The following FAM171B variants were observed in gnomAD, a reference collection of about 807,000 sequenced individuals.
FAM171B encodes the protein protein FAM171B.
In FAM171B, 19 loss-of-function variants were observed where a neutral mutation model predicts 75.6. The observed-to-expected ratio is 0.25, with a 90% CI of 0.18 to 0.37. The LOEUF (loss-of-function observed/expected upper bound fraction) is 0.37. Ranked by LOEUF, FAM171B falls within the 10% of genes least tolerant of loss-of-function variation. The probability of loss-of-function intolerance (pLI) is 1.00; values close to 1 mark genes in which losing one functional copy is unlikely to be tolerated. For missense variants in FAM171B, 848 were observed against 982.4 expected (o/e 0.86, Z 1.83); for synonymous variants, 367 against 361.7 (o/e 1.01, Z -0.17).
chr2:186,698,240 CAG>C (rs1363583517), intron 1 of FAM171B, among the ~76,000 whole-genome samples: 1 of 152,140 alleles, frequency 6.6e-6, no homozygotes, highest in African/African-American at 2.4e-5. Context: ...AGCAGAGACA[CAG>C]GGGATCTCCA....
At chr2:186,755,113 C>T (rs914647903) in intron 6 of FAM171B, among the ~76,000 whole-genome samples, 2 of 152,082 alleles carry the variant, frequency 1.3e-5, no homozygotes, top group Non-Finnish European at 2.9e-5. Flanking sequence ...TGTGTACATT[C>T]CTCAAAATAT....
At chr2:186,717,083 T>C (rs1458924556) in intron 1 of FAM171B, among the ~76,000 whole-genome samples, 2 of 152,148 alleles carry the variant, frequency 1.3e-5, no homozygotes, top group Non-Finnish European at 2.9e-5. Context: ...ACCCTGTCTG[T>C]TTGGCTCTTA....
intron 6 of FAM171B, among the ~76,000 whole-genome samples, chr2:186,754,862 A>G (rs1447493366): frequency 2.0e-5 from 3 of 152,110 alleles, no homozygotes; most frequent in Admixed American, 6.6e-5. Flanking sequence ...ATGAGCTATC[A>G]ATGTATTTTA....
rs144403657 is a variant in FAM171B at position 186,694,302 on chromosome 2, ACAG to A, written c.147_149del (p.Gln56del). On this transcript the variant is annotated inframe_deletion, in exon 1 of 8. Transcript: ENST00000304698. Reference sequence around the variant, plus strand: ...GCCGCTCCGACCTCAGCCTCATCCAACAGCAGCAGCAGCAGCAGCAACAACAAC... The same window carrying A: ...GCCGCTCCGACCTCAGCCTCATCCAACAGCAGCAGCAGCAGCAACAACAAC... 4.5e-6 allele frequency: 7 copies of A among 1,566,234 alleles called. No homozygotes were observed. Among genetic ancestry groups the A allele is most frequent in the Admixed American group, 1.8e-5 (1 of 56,688 alleles).
chr2:186,753,071 G>A (rs889266798), intron 5 of FAM171B, among the ~76,000 whole-genome samples: 1 of 152,118 alleles, frequency 6.6e-6, no homozygotes, highest in Non-Finnish European at 1.5e-5. Flanking sequence ...TCAGATAAGA[G>A]CTATCTTAAT....
At chr2:186,712,936 G>A (rs1023496869) in intron 1 of FAM171B, among the ~76,000 whole-genome samples, 2 of 152,176 alleles carry the variant, frequency 1.3e-5, no homozygotes, top group African/African-American at 4.8e-5. Flanking sequence ...TTGCAAACAA[G>A]TACATTTAAT....
chr2:186,747,939 T>G (rs144950378), intron 4 of FAM171B, among the ~76,000 whole-genome samples: 10 of 152,294 alleles, frequency 6.6e-5, no homozygotes, highest in African/African-American at 4.8e-5. Context: ...TTTTTTTCTT[T>G]TGAGACAGGG....
intron 2 of FAM171B, among the ~76,000 whole-genome samples, chr2:186,740,864 G>C (rs752665888): frequency 6.6e-6 from 1 of 152,180 alleles, no homozygotes; most frequent in Admixed American, 6.5e-5. Flanking sequence ...CAAGGGTCTT[G>C]TGTCCCAACA....
chr2:186,759,766 T>C (rs374838322), intron 6 of FAM171B, among the ~76,000 whole-genome samples: 1 of 152,086 alleles, frequency 6.6e-6, no homozygotes, highest in East Asian at 1.9e-4. Flanking sequence ...CTCTTCCCTT[T>C]GTTGATTGTT....
intron 1 of FAM171B, among the ~76,000 whole-genome samples, chr2:186,714,136 A>T (rs1388884660): frequency 7.3e-5 from 11 of 150,000 alleles, no homozygotes; most frequent in African/African-American, 1.5e-4. Context: ...TTTTTTTTTA[A>T]TACTTACCTC....
chr2:186,738,338 A>G (rs1186298751), intron 1 of FAM171B, among the ~76,000 whole-genome samples: 2 of 151,914 alleles, frequency 1.3e-5, no homozygotes, highest in Non-Finnish European at 2.9e-5. Context: ...GAGAATATGT[A>G]GGGCAGAGAA....
intron 1 of FAM171B, among the ~76,000 whole-genome samples, chr2:186,731,082 C>T (rs544080153): frequency 5.1e-4 from 77 of 152,222 alleles, no homozygotes; most frequent in Admixed American, 3.9e-3. Flanking sequence ...GTCTCTCATG[C>T]GGTTTATCAT....
intron 6 of FAM171B, among the ~76,000 whole-genome samples, chr2:186,757,492 A>T (rs1322136057): frequency 6.6e-6 from 1 of 152,128 alleles, no homozygotes; most frequent in Non-Finnish European, 1.5e-5. Flanking sequence ...AATTGTTCCT[A>T]TGATCAGCTA....
chr2:186,716,866 T>C (rs1225741006), intron 1 of FAM171B, among the ~76,000 whole-genome samples: 2 of 152,190 alleles, frequency 1.3e-5, no homozygotes, highest in Non-Finnish European at 2.9e-5. Context: ...TGGTTGTTGT[T>C]GTACTTACTG....
In FAM171B at chr2:186,734,587, C is replaced by T. The variant is rs989631059; in HGVS notation, c.239-5641C>T. 2.0e-5 allele frequency among the ~76,000 whole-genome samples: 3 copies of T among 152,124 alleles called. 1 individual carries two copies. Among genetic ancestry groups the T allele is most frequent in the African/African-American group, 7.2e-5 (3 of 41,434 alleles). ...TCCTCTGCCTGAGTCTGGCTGAGTC[C>T]AGGGTTTTTATGGGCTTCAGATGGG... On this transcript the variant is annotated intron_variant, in intron 1 of 7. Transcript: ENST00000304698.
chr2:186,763,003 G>T lies in FAM171B; in HGVS notation c.*180G>T, dbSNP rs1690645848. On this transcript the variant is annotated 3_prime_UTR_variant, in exon 8 of 8. Transcript: ENST00000304698. ...AAGATACCAAGGAATGCTTTTTCTG[G>T]CCTATTCATTTATTTTTGGGTGATG... 1 of 699,464 alleles carries T rather than the reference G, an allele frequency of 1.4e-6. No homozygotes were observed. Among genetic ancestry groups the T allele is most frequent in the East Asian group, 2.9e-5 (1 of 34,264 alleles). 43.3% of individuals were successfully genotyped at this position (699,464 alleles called of 1,614,324 possible).
chr2:186,722,522 A>G (rs1559084737), intron 1 of FAM171B, among the ~76,000 whole-genome samples: 1 of 152,124 alleles, frequency 6.6e-6, no homozygotes, highest in Non-Finnish European at 1.5e-5. Context: ...TCACATTTTA[A>G]TGTTTTTGAA....
intron 4 of FAM171B, among the ~76,000 whole-genome samples, chr2:186,748,970 G>A (rs1232605271): frequency 1.3e-5 from 2 of 152,086 alleles, no homozygotes; most frequent in Admixed American, 6.6e-5. Context: ...AGAATGAACT[G>A]TTTCCCAACA....
At chr2:186,703,014 C>T (rs889117790) in intron 1 of FAM171B, among the ~76,000 whole-genome samples, 12 of 150,404 alleles carry the variant, frequency 8.0e-5, no homozygotes, top group Admixed American at 2.0e-4. Context: ...CAGTTTTGTT[C>T]CTGTTCAGTA....
Sources: allele counts gnomAD v4.1 joint callset (sites outside exome capture counted in the v4.1 genomes callset), GRCh38; gene constraint gnomAD v4.1.1; transcripts MANE v1.5; gene names NCBI Gene and HGNC (gene_info 2026-07-23, HGNC 2026-07-21).